Variants in NUMB observed in about 807,000 individuals in gnomAD.
NUMB encodes the protein protein numb homolog.
NUMB carries 29 observed loss-of-function variants against 59.7 expected under a neutral mutation model. The ratio of observed to expected loss-of-function variants is 0.49; its 90% CI spans 0.36 to 0.66. NUMB has a LOEUF of 0.66. Ranked by LOEUF, NUMB falls within the 30% of genes least tolerant of loss-of-function variation. The pLI is 0.00. For missense variants in NUMB, 723 were observed against 822.0 expected, an observed-to-expected ratio of 0.88 and a Z score of 1.47; for synonymous variants, 288 against 288.2, an observed-to-expected ratio of 1.00 and a Z score of 0.01.
intron 11 of NUMB, 82 bp from the exon 12 acceptor site, chr14:73,279,506 G>C: frequency 7.5e-7 from 1 of 1,338,634 alleles, no homozygotes; most frequent in Non-Finnish European, 1.0e-6. Context: ...TCAGTCAGGT[G>C]AATGTACAAT....
chr14:73,280,819 G>A (rs568301522), intron 11 of NUMB, among the ~76,000 whole-genome samples: 42 of 148,016 alleles, frequency 2.8e-4, no homozygotes, highest in African/African-American at 1.0e-3. Flanking sequence ...TCAGCCTCCC[G>A]AGTAGCTGAG....
At chr14:73,397,901 T>G (rs1225195452) in intron 2 of NUMB, among the ~76,000 whole-genome samples, 2 of 152,148 alleles carry the variant, frequency 1.3e-5, no homozygotes, top group Non-Finnish European at 2.9e-5. Context: ...TCCTTCTGTG[T>G]TAACCTGGCC....
At chr14:73,296,392 G>C (rs1433106007) in intron 7 of NUMB, among the ~76,000 whole-genome samples, 2 of 150,804 alleles carry the variant, frequency 1.3e-5, no homozygotes, top group African/African-American at 4.9e-5. Flanking sequence ...AGTGAGCTGG[G>C]ATCGTGCCAC....
intron 4 of NUMB, among the ~76,000 whole-genome samples, chr14:73,351,901 G>A (rs1158331060): frequency 6.6e-6 from 1 of 151,528 alleles, no homozygotes; most frequent in African/African-American, 2.4e-5. Context: ...GCTTGAACCT[G>A]GGAGGTGGAG....
intron 8 of NUMB, among the ~76,000 whole-genome samples, chr14:73,288,177 G>A (rs1299710796): frequency 6.6e-6 from 1 of 152,212 alleles, no homozygotes; most frequent in African/African-American, 2.4e-5. Context: ...ACTTTGGGAG[G>A]CTGAGATGGG....
intron 3 of NUMB, among the ~76,000 whole-genome samples, chr14:73,360,382 C>A (rs1481891406): frequency 6.6e-6 from 1 of 152,160 alleles, no homozygotes; most frequent in Non-Finnish European, 1.5e-5. Context: ...AGGGTGAAAC[C>A]CTGTCTCTAC....
At position 73,287,296 on chromosome 14, in the gene NUMB, C is replaced by T; in HGVS notation, c.469G>A (p.Ala157Thr). The stretch of plus-strand genomic sequence containing the variant: ...CAGGCTGCAAAAGCACAGCCTACTG[C>T]ATGGCTCAACCTTTCACCCTGTAAG... ...VKDTGERLSH[A>T]VGCAFAACLE... Residue 157 changes from alanine (A) to threonine (T), a missense_variant, in exon 9 of 13, where the codon GCA becomes ACA. This residue lies in a region of NUMB where 317 missense variants were observed against 436.6 expected (regional missense o/e 0.73). Coordinates refer to ENST00000555238, the MANE Select transcript of NUMB (RefSeq NM_001005743.2). 1 of 1,613,172 alleles carries T rather than the reference C, an allele frequency of 6.2e-7. No individual in the cohort carries two copies. Among genetic ancestry groups the T allele is most frequent in the African/African-American group, 1.3e-5 (1 of 74,946 alleles).
At chr14:73,330,561 A>G (rs994947521) in intron 4 of NUMB, among the ~76,000 whole-genome samples, 5 of 152,162 alleles carry the variant, frequency 3.3e-5, no homozygotes, top group African/African-American at 9.7e-5. Context: ...CTGTGTCTCA[A>G]TTTCCTCATC....
At chr14:73,380,518 T>C (rs150370476) in intron 2 of NUMB, among the ~76,000 whole-genome samples, 3 of 152,292 alleles carry the variant, frequency 2.0e-5, no homozygotes, top group South Asian at 2.1e-4. Flanking sequence ...CATCATTAAA[T>C]AGTCTTAACC....
At chr14:73,302,405 CTTTTTTTTTT>C (rs71112726) in intron 6 of NUMB, among the ~76,000 whole-genome samples, 2 of 115,026 alleles carry the variant, frequency 1.7e-5, no homozygotes, top group Middle Eastern at 9.2e-3. Context: ...TTCCACATTT[CTTTTTTTTTT>C]TTTTTTTTTT....
At chr14:73,374,880 C>T (rs769164070) in intron 2 of NUMB, among the ~76,000 whole-genome samples, 2 of 151,924 alleles carry the variant, frequency 1.3e-5, no homozygotes, top group Admixed American at 1.3e-4. Flanking sequence ...ACCACCATGC[C>T]CAGCTAATTT....
intron 2 of NUMB, among the ~76,000 whole-genome samples, chr14:73,386,867 ATTTTTTTTTTTTTTT>A (rs71112745): frequency 7.8e-4 from 62 of 79,842 alleles, no homozygotes; most frequent in Admixed American, 1.8e-3. Context: ...CAGGTGTCTT[ATTTTTTTTTTTTTTT>A]TTTTTTTTTT....
chr14:73,443,976 C>T (rs1407479993), intron 1 of NUMB, among the ~76,000 whole-genome samples: 2 of 152,052 alleles, frequency 1.3e-5, no homozygotes, highest in East Asian at 1.9e-4. Context: ...GGCGCAATCT[C>T]GGCTCACTGC....
At chr14:73,418,742 G>A (rs1897234264) in intron 1 of NUMB, among the ~76,000 whole-genome samples, 1 of 151,790 alleles carries the variant, frequency 6.6e-6, no homozygotes, top group South Asian at 2.1e-4. Flanking sequence ...CTGCACTCCA[G>A]CCTGGACAAC....
At chr14:73,439,053 G>C (rs552349481) in intron 1 of NUMB, among the ~76,000 whole-genome samples, 1 of 152,290 alleles carries the variant, frequency 6.6e-6, no homozygotes, top group East Asian at 1.9e-4. Flanking sequence ...ACAGAACTCA[G>C]TTCAATGCAA....
chr14:73,399,257 C>A (rs573707089), intron 2 of NUMB, among the ~76,000 whole-genome samples: 1 of 152,186 alleles, frequency 6.6e-6, no homozygotes, highest in Admixed American at 6.5e-5. Context: ...TGGGTTCAAC[C>A]AGCTATGGAC....
intron 4 of NUMB, among the ~76,000 whole-genome samples, chr14:73,325,445 C>A (rs1891613964): frequency 6.6e-6 from 1 of 152,094 alleles, no homozygotes; most frequent in Admixed American, 6.6e-5. Context: ...TAGAGAGAGA[C>A]CCTGTCTCTA....
intron 4 of NUMB, among the ~76,000 whole-genome samples, chr14:73,326,767 T>G (rs1309312646): frequency 2.0e-5 from 3 of 152,224 alleles, no homozygotes; most frequent in Admixed American, 6.5e-5. Flanking sequence ...GAATTAACAT[T>G]TACTGATTAC....
chr14:73,342,882 T>C (rs1026059492), intron 4 of NUMB, among the ~76,000 whole-genome samples: 21 of 152,224 alleles, frequency 1.4e-4, no homozygotes, highest in Non-Finnish European at 2.9e-4. Context: ...TCTTACTCTC[T>C]CACCCAGTCA....
Sources: allele counts gnomAD v4.1 joint callset (sites outside exome capture counted in the v4.1 genomes callset), GRCh38; gene constraint gnomAD v4.1.1; regional missense constraint gnomAD v4.1.1; transcripts MANE v1.5; gene names NCBI Gene and HGNC (gene_info 2026-07-23, HGNC 2026-07-21).